Variants in AGO3 observed in about 807,000 individuals in gnomAD.
AGO3 encodes the protein protein argonaute-3.
A neutral mutation model predicts 105.5 loss-of-function variants in AGO3; 16 were observed. That is an observed-to-expected ratio of 0.15 (90% CI 0.10 to 0.23). The LOEUF (loss-of-function observed/expected upper bound fraction) is 0.23, where lower values mean the gene tolerates loss of function less well. Among genes scored for constraint, AGO3 ranks in the 10% least tolerant of loss-of-function variants. AGO3 has a pLI of 1.00. For missense variants in AGO3, 534 were observed against 1,088.0 expected, an observed-to-expected ratio of 0.49 and a Z score of 7.16; for synonymous variants, 340 against 367.3, an observed-to-expected ratio of 0.93 and a Z score of 0.85.
chr1:35,931,412 C>G lies in AGO3; in HGVS notation c.-15C>G. On this transcript the variant is annotated 5_prime_UTR_variant, in exon 1 of 19. Coordinates refer to ENST00000373191, the MANE Select transcript of AGO3 (RefSeq NM_024852.4). ...GGCTCCGTTCTCCCTCGAAGCACTC[C>G]CCCCAGCTCCATGAATGGAAATCGG... 1 of 1,491,874 alleles carries G rather than the reference C, an allele frequency of 6.7e-7. No homozygotes were observed. The highest frequency in any genetic ancestry group is 8.9e-7 in the Non-Finnish European group (1 of 1,118,782). 92.4% of individuals were successfully genotyped at this position (1,491,874 alleles called of 1,614,324 possible).
intron 14 of AGO3, 100 bp from the exon 15 acceptor site, chr1:36,039,690 A>T: frequency 3.4e-6 from 3 of 870,452 alleles, no homozygotes; most frequent in Non-Finnish European, 4.7e-6. Context: ...ACAGTGATGA[A>T]CAGGTTACAG....
chr1:35,952,561 A>T (rs1646493988), intron 2 of AGO3, among the ~76,000 whole-genome samples: 1 of 152,214 alleles, frequency 6.6e-6, no homozygotes, highest in African/African-American at 2.4e-5. Flanking sequence ...CAGGCACTGC[A>T]TAACTTTTCA....
intron 2 of AGO3, among the ~76,000 whole-genome samples, 190 bp from the exon 3 acceptor site, chr1:35,966,765 T>TA (rs2148769810): frequency 6.6e-6 from 1 of 152,328 alleles, no homozygotes; most frequent in East Asian, 1.9e-4. Flanking sequence ...TAGTGAAATG[T>TA]ATGTCATCTT....
chr1:35,986,271 C>T (rs74316050), intron 5 of AGO3, among the ~76,000 whole-genome samples: 2 of 152,198 alleles, frequency 1.3e-5, no homozygotes, highest in African/African-American at 2.4e-5. Context: ...AAATTGGAAA[C>T]AGCCTAAATT....
intron 13 of AGO3, 131 bp downstream of exon 13, chr1:36,034,464 A>C: frequency 1.7e-6 from 1 of 596,532 alleles, no homozygotes; most frequent in Non-Finnish European, 2.4e-6. Flanking sequence ...AGATTCGTAG[A>C]CATTTTGGTA....
At position 36,055,550 on chromosome 1, in the gene AGO3, A is replaced by G; in HGVS notation, c.2475-87A>G. 7.8e-7 allele frequency: 1 copy of G among 1,288,076 alleles called. No individual in the cohort carries two copies. The highest frequency in any genetic ancestry group is 1.1e-6 in the Non-Finnish European group (1 of 895,418). The allele number at this position is 1,288,076 out of a possible 1,614,324, so 79.8% of individuals were successfully genotyped here. On this transcript the variant is annotated intron_variant, in intron 18 of 18. Transcript: ENST00000373191. This position sits in a 1 kb window ranked among gnomAD's most constrained non-coding sequence, Gnocchi z 4.4. ...AGTCTCTTATTTGTTAATAATTTTG[A>G]AATTTTCTACAACAAATAGTATTTT...
intron 3 of AGO3, among the ~76,000 whole-genome samples, chr1:35,968,487 T>G (rs539037232): frequency 6.6e-6 from 1 of 152,308 alleles, no homozygotes; most frequent in East Asian, 1.9e-4. Context: ...TGTCTCTGAA[T>G]TTGACTATTC....
chr1:35,965,489 C>CAAA (rs1171759827), intron 2 of AGO3, among the ~76,000 whole-genome samples: 1 of 87,450 alleles, frequency 1.1e-5, no homozygotes, highest in Non-Finnish European at 2.4e-5. Context: ...GACGCTGTCT[C>CAAA]AAAAAAAAAA....
rs907535657 is a variant in AGO3, at chr1:36,071,732, A to G, written c.*15987A>G. ...ATCTTTTTTTAAAATCTTCGGCTAC[A>G]CAGTAACATCAATTAAAACAGAAGA... On this transcript the variant is annotated 3_prime_UTR_variant, in exon 19 of 19. Coordinates refer to ENST00000373191, the MANE Select transcript of AGO3 (RefSeq NM_024852.4). 9 of 152,220 alleles carry G rather than the reference A, an allele frequency of 5.9e-5. No individual in the cohort carries two copies. Among genetic ancestry groups the G allele is most frequent in the African/African-American group, 2.2e-4 (9 of 41,444 alleles). The allele number at this position is 152,220 out of a possible 1,614,324, so 9.4% of individuals were successfully genotyped here.
chr1:35,937,634 G>C (rs990205791), intron 1 of AGO3, among the ~76,000 whole-genome samples: 2 of 152,146 alleles, frequency 1.3e-5, no homozygotes, highest in Non-Finnish European at 2.9e-5. Flanking sequence ...AGGTTGCAGT[G>C]AGCCAAGATC....
In AGO3 at chr1:36,059,437, A is replaced by C. The variant is rs1327202199; in HGVS notation, c.*3692A>C. On this transcript the variant is annotated 3_prime_UTR_variant, in exon 19 of 19. Coordinates refer to ENST00000373191, the MANE Select transcript of AGO3 (RefSeq NM_024852.4). ...TTTTTTTAAGTTAAACATGAAATTCACAGTGACCCTTCTGCTCCTGCCCTT... is the reference window on the plus strand; with the variant it reads ...TTTTTTTAAGTTAAACATGAAATTCCCAGTGACCCTTCTGCTCCTGCCCTT... 4.0e-5 allele frequency: 6 copies of C among 151,488 alleles called. No homozygotes were observed. In the East Asian group the frequency reaches 9.7e-4, roughly 24 times the overall value. 9.4% of individuals were successfully genotyped at this position (151,488 alleles called of 1,614,324 possible).
At chr1:35,957,014 G>A (rs1002857208) in intron 2 of AGO3, among the ~76,000 whole-genome samples, 12 of 151,872 alleles carry the variant, frequency 7.9e-5, no homozygotes, top group African/African-American at 2.7e-4. Flanking sequence ...AAAGCCAGGC[G>A]TATAGAGACT....
chr1:36,014,164 T>G, intron 11 of AGO3, 116 bp downstream of exon 11: 1 of 317,894 alleles, frequency 3.1e-6, no homozygotes, highest in Non-Finnish European at 4.8e-6. Flanking sequence ...CACTGAACCA[T>G]TTTTTTTTTT....
In AGO3 at chr1:36,027,709, G is replaced by T. The variant is rs1389233473; in HGVS notation, c.1591+411G>T. On this transcript the variant is annotated intron_variant, in intron 12 of 18. Transcript: ENST00000373191. This position sits in a 1 kb window ranked among gnomAD's most constrained non-coding sequence, Gnocchi z 4.0. Reference sequence around the variant, plus strand: ...CAGGAGAATGGCGTGAACCCAGGAGGTGGAGCTTGCAGTGAGCCGAGATCG... The same window carrying T: ...CAGGAGAATGGCGTGAACCCAGGAGTTGGAGCTTGCAGTGAGCCGAGATCG... Among the ~76,000 whole-genome samples the T allele has an allele frequency of 6.6e-6, 1 of 151,850 alleles. No individual in the cohort carries two copies. The highest frequency in any genetic ancestry group is 1.5e-5 in the Non-Finnish European group (1 of 67,980).
rs548454655 is a variant in AGO3, at chr1:36,056,447, A to G, written c.*702A>G. The G allele has an allele frequency of 6.6e-6, 1 of 152,274 alleles. No homozygotes were observed. Among genetic ancestry groups the G allele is most frequent in the South Asian group, 2.1e-4 (1 of 4,826 alleles). 9.4% of individuals were successfully genotyped at this position (152,274 alleles called of 1,614,324 possible). A position where few individuals can be genotyped will look rare whatever the true frequency, so the allele number is the denominator to read the frequency against. On this transcript the variant is annotated 3_prime_UTR_variant, in exon 19 of 19. Transcript: ENST00000373191. Reference sequence around the variant, plus strand: ...TGATGTATCTGGTTCGTTTGAATATAAAATATGGCAAACTAGAATTCTACT... The same window carrying G: ...TGATGTATCTGGTTCGTTTGAATATGAAATATGGCAAACTAGAATTCTACT...
At chr1:35,958,246 T>C (rs1233237487) in intron 2 of AGO3, among the ~76,000 whole-genome samples, 2 of 151,762 alleles carry the variant, frequency 1.3e-5, no homozygotes, top group African/African-American at 2.4e-5. Context: ...CCAGGCATGG[T>C]GGTGCGCGTT....
Position 35,956,183 on chromosome 1 carries a change from T to A in AGO3, c.191+10320T>A, listed in dbSNP as rs150280504. Among the ~76,000 whole-genome samples, 467 of 152,202 alleles carry A rather than the reference T, an allele frequency of 3.1e-3. 1 individual carries two copies. The highest frequency in any genetic ancestry group is 0.01 in the Middle Eastern group (3 of 294). ...CAATAATGATGATGGAGGGCATAGA[T>A]GGAAGATTTAGAAAAAGAATGAACA... is the stretch of plus-strand genomic sequence containing the variant. On this transcript the variant is annotated intron_variant, in intron 2 of 18. Transcript: ENST00000373191.
intron 2 of AGO3, among the ~76,000 whole-genome samples, chr1:35,947,889 A>C (rs754947232): frequency 1.3e-5 from 2 of 152,108 alleles, no homozygotes; most frequent in Non-Finnish European, 2.9e-5. Flanking sequence ...CTTCTGGTAG[A>C]TATTTACACT....
chr1:35,955,551 A>C (rs1481236543), intron 2 of AGO3, among the ~76,000 whole-genome samples: 2 of 152,020 alleles, frequency 1.3e-5, no homozygotes, highest in African/African-American at 4.8e-5. Context: ...AGAAAGTTGC[A>C]GTGTGCTGAA....
Sources: gnomAD v4.1 joint callset for allele counts (sites outside exome capture counted in the v4.1 genomes callset) on GRCh38, gnomAD v4.1.1 for gene constraint, Gnocchi (gnomAD v3.1) non-coding constraint, MANE v1.5 for transcripts, NCBI Gene and HGNC (gene_info 2026-07-23, HGNC 2026-07-21) for gene names.